Variants in NELL2 observed in about 807,000 individuals in gnomAD.
The protein encoded by NELL2 is protein kinase C-binding protein NELL2.
A neutral mutation model predicts 109.6 loss-of-function variants in NELL2; 41 were observed. The observed-to-expected ratio is 0.37, with a 90% CI of 0.29 to 0.49. NELL2 has a LOEUF of 0.49. Among genes scored for constraint, NELL2 ranks in the 20% least tolerant of loss-of-function variants. The pLI, the probability that NELL2 is intolerant of heterozygous loss-of-function variation, is 0.98. For synonymous variants in NELL2, 355 were observed against 344.7 expected (o/e 1.03, Z -0.33); for missense variants, 900 against 1,008.3 (o/e 0.89, Z 1.45).
At chr12:44,768,129 G>C (rs1279106403) in intron 9 of NELL2, among the ~76,000 whole-genome samples, 1 of 152,108 alleles carries the variant, frequency 6.6e-6, no homozygotes, top group Non-Finnish European at 1.5e-5. Context: ...ATTAACAGTA[G>C]ATTTATATTT....
intron 3 of NELL2, among the ~76,000 whole-genome samples, chr12:44,799,258 C>T (rs182230451): frequency 6.6e-6 from 1 of 151,936 alleles, no homozygotes; most frequent in East Asian, 1.9e-4. Context: ...GTGCCCGGCC[C>T]GATTTCCACT....
chr12:44,791,849 T>A (rs1230882398), intron 3 of NELL2, among the ~76,000 whole-genome samples: 1 of 151,882 alleles, frequency 6.6e-6, no homozygotes, highest in Non-Finnish European at 1.5e-5. Context: ...GATTTATAAG[T>A]CTGAGGTGAA....
intron 12 of NELL2, among the ~76,000 whole-genome samples, chr12:44,700,501 T>C (rs1949197841): frequency 6.6e-6 from 1 of 152,148 alleles, no homozygotes; most frequent in African/African-American, 2.4e-5. Flanking sequence ...TGGCCTTCCT[T>C]TGGTTCTTAA....
chr12:44,558,102 T>C (rs542760460), intron 15 of NELL2, among the ~76,000 whole-genome samples: 1 of 152,292 alleles, frequency 6.6e-6, no homozygotes, highest in East Asian at 1.9e-4. Flanking sequence ...TACGTTGGTA[T>C]TTTGAGAAGA....
At chr12:44,574,095 G>A (rs950347325) in intron 15 of NELL2, among the ~76,000 whole-genome samples, 1 of 150,966 alleles carries the variant, frequency 6.6e-6, no homozygotes, top group Non-Finnish European at 1.5e-5. Flanking sequence ...ATGGAGTCTC[G>A]TTCTGTTGCC....
chr12:44,888,847 A>AAT (rs1566596300), intron 1 of NELL2, among the ~76,000 whole-genome samples: 3 of 151,540 alleles, frequency 2.0e-5, no homozygotes, highest in African/African-American at 7.3e-5. Context: ...AAATAAAAAA[A>AAT]AAATAAATAA....
chr12:44,838,269 G>T (rs1246529462), intron 2 of NELL2, among the ~76,000 whole-genome samples: 1 of 152,142 alleles, frequency 6.6e-6, no homozygotes, highest in Non-Finnish European at 1.5e-5. Flanking sequence ...GTTCCCCAGT[G>T]CACAAAAAGG....
At chr12:44,825,568 G>A (rs1309880262) in intron 2 of NELL2, among the ~76,000 whole-genome samples, 2 of 149,738 alleles carry the variant, frequency 1.3e-5, no homozygotes, top group African/African-American at 4.9e-5. Context: ...GCTAATTTTT[G>A]TATTTTTAGT....
At chr12:44,625,083 G>T (rs1376866604) in intron 13 of NELL2, among the ~76,000 whole-genome samples, 2 of 143,618 alleles carry the variant, frequency 1.4e-5, no homozygotes, top group African/African-American at 5.0e-5. Context: ...GTTAATTATA[G>T]ATTTATTTTG....
intron 9 of NELL2, among the ~76,000 whole-genome samples, chr12:44,744,276 G>T (rs973197508): frequency 1.3e-5 from 2 of 152,106 alleles, no homozygotes; most frequent in African/African-American, 4.8e-5. Context: ...CAACATACCA[G>T]AATCTCTGGG....
chr12:44,636,056 G>C (rs1295852533), intron 13 of NELL2, among the ~76,000 whole-genome samples: 4 of 152,054 alleles, frequency 2.6e-5, no homozygotes, highest in Non-Finnish European at 5.9e-5. Context: ...ATTGTGAATG[G>C]GAGTTCACTC....
intron 19 of NELL2, among the ~76,000 whole-genome samples, chr12:44,511,234 C>A (rs930624624): frequency 1.3e-5 from 2 of 152,196 alleles, no homozygotes; most frequent in Non-Finnish European, 2.9e-5. Context: ...GCATGGACAA[C>A]TAATAAAGCA....
intron 9 of NELL2, among the ~76,000 whole-genome samples, chr12:44,748,889 A>C (rs1209218611): frequency 6.6e-6 from 1 of 152,196 alleles, no homozygotes; most frequent in Non-Finnish European, 1.5e-5. Flanking sequence ...AGAAAAAGCA[A>C]AGTTATTATT....
chr12:44,554,793 G>A (rs1289381861), intron 15 of NELL2, among the ~76,000 whole-genome samples: 1 of 152,212 alleles, frequency 6.6e-6, no homozygotes, highest in Non-Finnish European at 1.5e-5. Context: ...AAAGGAGCCA[G>A]AATTAGCCTT....
intron 9 of NELL2, among the ~76,000 whole-genome samples, chr12:44,726,272 C>T (rs751722667): frequency 7.2e-5 from 11 of 152,198 alleles, no homozygotes; most frequent in Admixed American, 1.3e-4. Context: ...TCAGGAACTC[C>T]GCTAGATGTA....
intron 12 of NELL2, among the ~76,000 whole-genome samples, chr12:44,683,915 C>G (rs1448510930): frequency 1.3e-5 from 2 of 152,136 alleles, no homozygotes; most frequent in Non-Finnish European, 2.9e-5. Context: ...GCTTTGGTAT[C>G]AGGATGATGC....
At chr12:44,746,832 C>T (rs922443897) in intron 9 of NELL2, among the ~76,000 whole-genome samples, 2 of 152,158 alleles carry the variant, frequency 1.3e-5, no homozygotes, top group African/African-American at 2.4e-5. Context: ...GAAATAGGAA[C>T]ACTTTTACAC....
intron 9 of NELL2, among the ~76,000 whole-genome samples, chr12:44,752,734 T>G (rs1940707482): frequency 6.6e-6 from 1 of 152,040 alleles, no homozygotes; most frequent in Non-Finnish European, 1.5e-5. Context: ...CTCCTGAAAA[T>G]CATCTTTTCC....
intron 13 of NELL2, among the ~76,000 whole-genome samples, chr12:44,644,577 A>ATATATATAT (rs1376840602): frequency 1.1e-4 from 10 of 92,808 alleles, no homozygotes; most frequent in Non-Finnish European, 1.9e-4. Context: ...CAGACAAAGT[A>ATATATATAT]AAGTATATAT....
Sources: gnomAD v4.1 joint callset for allele counts (sites outside exome capture counted in the v4.1 genomes callset) on GRCh38, gnomAD v4.1.1 for gene constraint, MANE v1.5 for transcripts, NCBI Gene and HGNC (gene_info 2026-07-23, HGNC 2026-07-21) for gene names.